Variants in FANCC observed in about 807,000 individuals in gnomAD.
FANCC encodes Fanconi anemia group C protein.
A neutral mutation model predicts 71.3 loss-of-function variants in FANCC; 55 were observed. The observed-to-expected ratio is 0.77, with a 90% CI of 0.62 to 0.97. The LOEUF (loss-of-function observed/expected upper bound fraction) is 0.97, where lower values mean the gene tolerates loss of function less well. FANCC is among the 50% of genes least tolerant of loss of function. The pLI, the probability that FANCC is intolerant of heterozygous loss-of-function variation, is 0.00. For synonymous variants in FANCC, 275 were observed against 244.9 expected (o/e 1.12, Z -1.15); for missense variants, 678 against 670.9 (o/e 1.01, Z -0.12).
chr9:95,136,732 C>T (rs967179183), intron 7 of FANCC, among the ~76,000 whole-genome samples: 1 of 152,208 alleles, frequency 6.6e-6, no homozygotes, highest in Non-Finnish European at 1.5e-5. Context: ...AATCTTCCTG[C>T]CTTGGCCTCC....
chr9:95,110,725 CT>C, intron 13 of FANCC: 2 of 750,062 alleles, frequency 2.7e-6, no homozygotes, highest in African/African-American at 1.9e-5. Flanking sequence ...TCCTCTTTAA[CT>C]ACTAAGATCA....
chr9:95,152,973 G>A (rs1830266766), intron 6 of FANCC, among the ~76,000 whole-genome samples: 1 of 152,180 alleles, frequency 6.6e-6, no homozygotes, highest in African/African-American at 2.4e-5. Context: ...TTTTAAGCAA[G>A]TTTACAGATT....
chr9:95,100,483 C>G lies in FANCC; in HGVS notation c.*1224G>C, dbSNP rs56280046. On this transcript the variant is annotated 3_prime_UTR_variant, in exon 15 of 15. Transcript: ENST00000289081. Reference sequence around the variant, plus strand: ...GAGCCAAGACTCAGACTAATACACACAAATCAAAATGGACAAAAGCAAGTC... The same window carrying G: ...GAGCCAAGACTCAGACTAATACACAGAAATCAAAATGGACAAAAGCAAGTC... 12 of 231,866 alleles carry G rather than the reference C, an allele frequency of 5.2e-5. No individual in the cohort carries two copies. The highest frequency in any genetic ancestry group is 2.2e-4 in the African/African-American group (10 of 45,250). The allele number at this position is 231,866 out of a possible 1,614,324, so 14.4% of individuals were successfully genotyped here. A position where few individuals can be genotyped will look rare whatever the true frequency, so the allele number is the denominator to read the frequency against.
chr9:95,180,268 G>T (rs1826257884), intron 4 of FANCC, among the ~76,000 whole-genome samples: 1 of 149,532 alleles, frequency 6.7e-6, no homozygotes, highest in African/African-American at 2.5e-5. Flanking sequence ...GTCATCTCCT[G>T]TAATAACAAT....
intron 11 of FANCC, among the ~76,000 whole-genome samples, chr9:95,114,933 T>C (rs2072264729): frequency 6.6e-6 from 1 of 152,180 alleles, no homozygotes; most frequent in Non-Finnish European, 1.5e-5. Flanking sequence ...AAGAATCTAA[T>C]CTTTTAATTT....
At chr9:95,162,500 T>C (rs997175879) in intron 6 of FANCC, among the ~76,000 whole-genome samples, 1 of 152,214 alleles carries the variant, frequency 6.6e-6, no homozygotes, top group Non-Finnish European at 1.5e-5. Flanking sequence ...CATTTGGTAA[T>C]TCTATTTTTA....
intron 4 of FANCC, among the ~76,000 whole-genome samples, chr9:95,237,059 T>A (rs1830358360): frequency 6.6e-6 from 1 of 152,206 alleles, no homozygotes; most frequent in Non-Finnish European, 1.5e-5. Flanking sequence ...GTAATTAGCT[T>A]TAGAGTTGTT....
At chr9:95,283,869 G>A (rs528331723) in intron 1 of FANCC, among the ~76,000 whole-genome samples, 7 of 152,320 alleles carry the variant, frequency 4.6e-5, no homozygotes, top group Admixed American at 1.3e-4. Flanking sequence ...GCAGACTGCC[G>A]AAGTTTGAAT....
Position 95,271,320 on chromosome 9 carries a change from A to C in FANCC, c.-78-21951T>G, listed in dbSNP as rs115555705. ...TACCTTGTACAACAACAACTACTAC[A>C]AAGTGGTAACATTCAGGATCCTGAG... is the stretch of plus-strand genomic sequence containing the variant. On this transcript the variant is annotated intron_variant, in intron 1 of 14. Transcript: ENST00000289081. 3.4e-3 allele frequency among the ~76,000 whole-genome samples: 520 copies of C among 152,328 alleles called. 2 individuals carry two copies. The highest frequency in any genetic ancestry group is 0.012 in the African/African-American group (490 of 41,568).
chr9:95,251,305 A>G (rs902359611), intron 1 of FANCC, among the ~76,000 whole-genome samples: 5 of 152,226 alleles, frequency 3.3e-5, no homozygotes, highest in Non-Finnish European at 5.9e-5. Context: ...AAGTAATTTA[A>G]TTTTATTTTT....
intron 6 of FANCC, among the ~76,000 whole-genome samples, chr9:95,155,278 A>AGGGGAGGGAAGGGGG (rs1830399123): frequency 3.2e-5 from 2 of 62,838 alleles, no homozygotes; most frequent in Non-Finnish European, 6.3e-5. Flanking sequence ...AGGAAAGGGG[A>AGGGGAGGGAAGGGGG]GGGGAAGGAA....
intron 4 of FANCC, among the ~76,000 whole-genome samples, chr9:95,172,919 AG>A (rs752361980): frequency 9.2e-5 from 14 of 152,236 alleles, no homozygotes; most frequent in Non-Finnish European, 1.8e-4. Flanking sequence ...TGTGTTTACC[AG>A]AAAAATAATA....
intron 1 of FANCC, among the ~76,000 whole-genome samples, chr9:95,311,065 A>G (rs1835368666): frequency 6.6e-6 from 1 of 152,116 alleles, no homozygotes; most frequent in Non-Finnish European, 1.5e-5. Context: ...TAACACGGTG[A>G]AACTCCGCCT....
At chr9:95,282,286 T>C (rs1833425657) in intron 1 of FANCC, among the ~76,000 whole-genome samples, 1 of 152,128 alleles carries the variant, frequency 6.6e-6, no homozygotes, top group South Asian at 2.1e-4. Flanking sequence ...AGACTTTAAG[T>C]CATCTGTAAA....
chr9:95,221,462 A>G (rs1034792711), intron 4 of FANCC, among the ~76,000 whole-genome samples: 3 of 152,236 alleles, frequency 2.0e-5, no homozygotes, highest in South Asian at 2.1e-4. Context: ...TATAAAAAGC[A>G]TGAATTATAA....
rs188221393 is a variant in FANCC, at chr9:95,186,455, C to T, written c.346-14308G>A. The T allele has an allele frequency of 1.2e-4, 18 of 152,336 alleles. No individual in the cohort carries two copies. In the East Asian group the frequency reaches 3.3e-3, roughly 28 times the overall value. 9.4% of individuals were successfully genotyped at this position (152,336 alleles called of 1,614,324 possible). A position where few individuals can be genotyped will look rare whatever the true frequency, so the allele number is the denominator to read the frequency against. On this transcript the variant is annotated intron_variant, in intron 4 of 14. Transcript: ENST00000289081. ...CAGCAAAACTGCCTCAGCTGAGCAGCTCTTCTTTAAACACACACCCATTTT... is the reference window on the plus strand; with the variant it reads ...CAGCAAAACTGCCTCAGCTGAGCAGTTCTTCTTTAAACACACACCCATTTT...
chr9:95,112,706 G>A (rs978137775), intron 12 of FANCC, among the ~76,000 whole-genome samples: 51 of 152,218 alleles, frequency 3.4e-4, no homozygotes, highest in African/African-American at 1.1e-3. Flanking sequence ...GGTTGGCAGC[G>A]TGACTGGATC....
At chr9:95,257,331 C>T (rs977836638) in intron 1 of FANCC, among the ~76,000 whole-genome samples, 1 of 152,194 alleles carries the variant, frequency 6.6e-6, no homozygotes. Context: ...TCATAACAGT[C>T]TCTCAGATCA....
At chr9:95,296,584 T>G (rs1478177205) in intron 1 of FANCC, among the ~76,000 whole-genome samples, 3 of 152,166 alleles carry the variant, frequency 2.0e-5, no homozygotes, top group Non-Finnish European at 4.4e-5. Context: ...ATTACATATA[T>G]CTAATGGATT....
Sources: allele counts gnomAD v4.1 joint callset (sites outside exome capture counted in the v4.1 genomes callset), GRCh38; gene constraint gnomAD v4.1.1; transcripts MANE v1.5; gene names NCBI Gene and HGNC (gene_info 2026-07-23, HGNC 2026-07-21).